The following CNTN1 variants were observed in gnomAD, a reference collection of about 807,000 sequenced individuals.
CNTN1 encodes the protein contactin-1.
Under a neutral mutation model 126.4 loss-of-function variants are expected in CNTN1, and 38 were observed. The observed-to-expected ratio is 0.30, with a 90% CI of 0.23 to 0.39. CNTN1 has a LOEUF of 0.39. CNTN1 is among the 10% of genes least tolerant of loss of function. The pLI, the probability that CNTN1 is intolerant of heterozygous loss-of-function variation, is 1.00. For missense variants in CNTN1, 1,009 were observed against 1,248.4 expected (o/e 0.81, Z 2.89); for synonymous variants, 413 against 422.6 (o/e 0.98, Z 0.28).
intron 15 of CNTN1, chr12:40,971,985 C>T (rs1351524564): frequency 1.0e-6 from 1 of 1,001,024 alleles, no homozygotes; most frequent in East Asian, 1.1e-4. Flanking sequence ...ATTACTCCGG[C>T]AGTCTTTTTT....
At chr12:40,879,547 A>C (rs1943802041) in intron 1 of CNTN1, among the ~76,000 whole-genome samples, 1 of 152,120 alleles carries the variant, frequency 6.6e-6, no homozygotes, top group Non-Finnish European at 1.5e-5. Context: ...GGGGATTAGG[A>C]ATGAGAAAAA....
chr12:40,853,784 C>G (rs934965703), intron 1 of CNTN1, among the ~76,000 whole-genome samples: 1 of 151,580 alleles, frequency 6.6e-6, no homozygotes, highest in Non-Finnish European at 1.5e-5. Flanking sequence ...TAGCTCTATC[C>G]GTCTCCTTTC....
At chr12:40,987,261 G>C (rs116504578) in intron 16 of CNTN1, among the ~76,000 whole-genome samples, 264 of 152,252 alleles carry the variant, frequency 1.7e-3, no homozygotes, top group African/African-American at 6.1e-3. Flanking sequence ...AAATAAATAT[G>C]TTTCAAAGAT....
At chr12:40,938,008 T>C (rs1225423627) in intron 11 of CNTN1, among the ~76,000 whole-genome samples, 1 of 152,168 alleles carries the variant, frequency 6.6e-6, no homozygotes, top group African/African-American at 2.4e-5. Context: ...CAGATGATTT[T>C]AATACAAAGA....
intron 1 of CNTN1, among the ~76,000 whole-genome samples, chr12:40,766,356 TAAAA>T (rs11381914): frequency 7.5e-6 from 1 of 133,824 alleles, no homozygotes; most frequent in Non-Finnish European, 1.6e-5. Context: ...AACTCCGTCT[TAAAA>T]AAAAAAAAAA....
chr12:40,963,981 A>G (rs562679219), intron 15 of CNTN1, among the ~76,000 whole-genome samples: 3 of 152,274 alleles, frequency 2.0e-5, no homozygotes, highest in Non-Finnish European at 4.4e-5. Context: ...GCACCTTTGG[A>G]CAACATTCAA....
intron 23 of CNTN1, among the ~76,000 whole-genome samples, chr12:41,041,726 A>G (rs1234248085): frequency 2.0e-5 from 3 of 152,060 alleles, no homozygotes; most frequent in Non-Finnish European, 4.4e-5. Context: ...GTATTCTCCA[A>G]TGGTAGTTTG....
chr12:40,853,467 G>T (rs1825227550), intron 1 of CNTN1, among the ~76,000 whole-genome samples: 1 of 152,034 alleles, frequency 6.6e-6, no homozygotes, highest in Admixed American at 6.6e-5. Context: ...CTCAATCCAA[G>T]GCATCCTTTG....
intron 16 of CNTN1, among the ~76,000 whole-genome samples, chr12:40,985,747 A>G (rs1371366173): frequency 6.6e-6 from 1 of 152,134 alleles, no homozygotes; most frequent in Non-Finnish European, 1.5e-5. Flanking sequence ...ATTCTTAGCC[A>G]TTCATTACCT....
chr12:40,950,097 GGTGTGTGTGT>G (rs59713493), intron 14 of CNTN1, among the ~76,000 whole-genome samples: 7,260 of 145,260 alleles, frequency 0.05, 202 homozygotes, highest in Middle Eastern at 0.09. Context: ...GTGTTGAGAG[GGTGTGTGTGT>G]GTGTGTGTGT....
chr12:41,005,833 T>G (rs1948478992), intron 17 of CNTN1, among the ~76,000 whole-genome samples: 1 of 152,180 alleles, frequency 6.6e-6, no homozygotes. Flanking sequence ...GTTTTATAAT[T>G]ATTTTTAGCT....
chr12:40,776,140 C>A (rs1939568637), intron 1 of CNTN1, among the ~76,000 whole-genome samples: 1 of 151,380 alleles, frequency 6.6e-6, no homozygotes, highest in Non-Finnish European at 1.5e-5. Flanking sequence ...AATTTCTATT[C>A]TTTTTTATTT....
chr12:40,757,832 CT>C (rs1421324482), intron 1 of CNTN1, among the ~76,000 whole-genome samples: 1 of 152,006 alleles, frequency 6.6e-6, no homozygotes, highest in African/African-American at 2.4e-5. Context: ...AATCAAATAT[CT>C]TTATATTTTT....
chr12:40,861,440 GT>G (rs1276794850), intron 1 of CNTN1, among the ~76,000 whole-genome samples: 14 of 152,100 alleles, frequency 9.2e-5, no homozygotes, highest in Admixed American at 4.6e-4. Context: ...CATTTTTAAA[GT>G]TTTTTAATGG....
At chr12:40,707,027 C>G (rs932387745) in intron 1 of CNTN1, among the ~76,000 whole-genome samples, 1 of 143,616 alleles carries the variant, frequency 7.0e-6, no homozygotes, top group Non-Finnish European at 1.5e-5. Context: ...CATATAAAGA[C>G]GTGCGCGCGC....
chr12:40,824,641 C>T (rs556845735), intron 1 of CNTN1, among the ~76,000 whole-genome samples: 89 of 152,160 alleles, frequency 5.8e-4, no homozygotes, highest in Middle Eastern at 3.4e-3. Context: ...GATTTTTACG[C>T]GATAAAACTG....
At chr12:40,819,873 T>C (rs1213005771) in intron 1 of CNTN1, among the ~76,000 whole-genome samples, 1 of 152,162 alleles carries the variant, frequency 6.6e-6, no homozygotes, top group East Asian at 1.9e-4. Context: ...CAGCTGGGTA[T>C]CGTGCTCACT....
chr12:40,942,018 TCAATTGAAAACTAA>T (rs762078952), intron 12 of CNTN1, among the ~76,000 whole-genome samples: 3 of 152,124 alleles, frequency 2.0e-5, no homozygotes, highest in Non-Finnish European at 4.4e-5. Flanking sequence ...TGGTAAAAGA[TCAATTGAAAACTAA>T]CATAAGTAAG....
intron 1 of CNTN1, among the ~76,000 whole-genome samples, chr12:40,758,104 T>C (rs574349040): frequency 6.6e-6 from 1 of 151,020 alleles, no homozygotes; most frequent in East Asian, 1.9e-4. Flanking sequence ...AGAAATTTTT[T>C]CCACATTGTA....
Sources: gnomAD v4.1 joint callset for allele counts (sites outside exome capture counted in the v4.1 genomes callset) on GRCh38, gnomAD v4.1.1 for gene constraint, MANE v1.5 for transcripts, NCBI Gene and HGNC (gene_info 2026-07-23, HGNC 2026-07-21) for gene names.